MALAT1: variants seen among roughly 807,000 people sequenced by gnomAD.
The protein encoded by MALAT1 is metastasis associated lung adenocarcinoma transcript 1.
exon 3 of MALAT1, chr11:65,503,747 C>T: frequency 1.9e-6 from 1 of 517,328 alleles, no homozygotes; most frequent in Non-Finnish European, 3.9e-6. Context: ...TCTGCGAACA[C>T]TCTTTAATGG....
exon 4 of MALAT1, chr11:65,506,345 A>G (rs1468762536): frequency 2.2e-6 from 1 of 464,332 alleles, no homozygotes; most frequent in South Asian, 1.6e-5. Context: ...GTATATTCAT[A>G]TTTACACGAG....
chr11:65,501,685 C>T (rs758376960), exon 3 of MALAT1: 19 of 518,860 alleles, frequency 3.7e-5, no homozygotes, highest in Non-Finnish European at 6.5e-5. Context: ...CTGCTTTTAT[C>T]CTTGGAAGAG....
chr11:65,501,867 T>G (rs1854554223), exon 3 of MALAT1: 1 of 517,394 alleles, frequency 1.9e-6, no homozygotes, highest in Non-Finnish European at 3.9e-6. Flanking sequence ...TGGCAATTAG[T>G]TGGCAGTGGC....
chr11:65,500,304 A>C (rs1407657659), exon 3 of MALAT1: 1 of 518,888 alleles, frequency 1.9e-6, no homozygotes, highest in Non-Finnish European at 3.8e-6. Context: ...ATTCAAGATC[A>C]AGAGTAATTA....
chr11:65,498,043 T>A (rs778648392), intron 1 of MALAT1: 2 of 518,772 alleles, frequency 3.9e-6, no homozygotes. Context: ...AGCTTTTATT[T>A]TTCTTCCTGC....
chr11:65,499,150 C>G (rs11547521), exon 3 of MALAT1: 1 of 513,018 alleles, frequency 1.9e-6, no homozygotes, highest in South Asian at 1.4e-5. Context: ...ATTAATACAA[C>G]TACTTAAAAA....
At chr11:65,505,135 G>A (rs775138898) in intron 3 of MALAT1, 19 of 518,922 alleles carry the variant, frequency 3.7e-5, no homozygotes, top group Admixed American at 5.8e-5. Flanking sequence ...CTGTGTTGGC[G>A]TGGGGGTGGA....
exon 3 of MALAT1, chr11:65,503,842 T>TA (rs1854610803): frequency 3.9e-6 from 2 of 518,084 alleles, no homozygotes; most frequent in African/African-American, 3.9e-5. Context: ...GATGAGCATA[T>TA]AATAATTCCA....
At chr11:65,502,634 T>C (rs1017832520) in exon 3 of MALAT1, 1 of 479,074 alleles carries the variant, frequency 2.1e-6, no homozygotes, top group Admixed American at 2.6e-5. Flanking sequence ...TTTTTTTCTA[T>C]AGACTTTTTT....
At chr11:65,497,819 T>G (rs768757414) in exon 1 of MALAT1, 9 of 511,382 alleles carry the variant, frequency 1.8e-5, no homozygotes, top group Non-Finnish European at 3.5e-5. Flanking sequence ...CAGCGCCATT[T>G]TAGCAACGCA....
exon 3 of MALAT1, chr11:65,500,045 G>GAACTTC: frequency 2.3e-6 from 1 of 434,472 alleles, no homozygotes; most frequent in Admixed American, 2.8e-5. Context: ...TTAATTTCTG[G>GAACTTC]TGGTGCAGAA....
intron 1 of MALAT1, chr11:65,498,425 T>G (rs746628393): frequency 7.7e-6 from 4 of 518,364 alleles, no homozygotes; most frequent in Non-Finnish European, 1.2e-5. Context: ...AGCTCTGTGG[T>G]GTGGGATTGA....
chr11:65,504,365 C>T (rs1181881494), intron 3 of MALAT1: 2 of 517,414 alleles, frequency 3.9e-6, no homozygotes, highest in East Asian at 5.4e-5. Flanking sequence ...TCAGGTCTGT[C>T]TGTTCTGTTG....
chr11:65,501,159 A>AC, exon 3 of MALAT1: 1 of 501,276 alleles, frequency 2.0e-6, no homozygotes, highest in South Asian at 1.4e-5. Flanking sequence ...TTACTTCCTC[A>AC]CCCTGAATTC....
chr11:65,503,145 T>G, exon 3 of MALAT1: 1 of 509,462 alleles, frequency 2.0e-6, no homozygotes, highest in Non-Finnish European at 3.9e-6. Flanking sequence ...TCAGAAGAGT[T>G]GCTTCATTTC....
exon 3 of MALAT1, chr11:65,499,196 T>C: frequency 2.0e-6 from 1 of 504,496 alleles, no homozygotes; most frequent in South Asian, 1.5e-5. Context: ...TTGCTTAGCG[T>C]TAAGTTTTTA....
exon 3 of MALAT1, chr11:65,499,496 AAG>A (rs753082654): frequency 2.4e-5 from 11 of 465,308 alleles, no homozygotes; most frequent in South Asian, 4.8e-5. Flanking sequence ...ATCTTTTAAA[AAG>A]AGATTAAACC....
At chr11:65,502,187 G>A (rs762782736) in exon 3 of MALAT1, 3 of 518,468 alleles carry the variant, frequency 5.8e-6, no homozygotes, top group Non-Finnish European at 1.2e-5. Flanking sequence ...TATTGAACTG[G>A]GGGTTGGTCT....
exon 3 of MALAT1, chr11:65,500,523 G>C (rs762402685): frequency 5.8e-6 from 3 of 518,876 alleles, no homozygotes; most frequent in Admixed American, 1.9e-5. Flanking sequence ...GGTGAAGATA[G>C]GAAAAGAGTC....
Sources: allele counts gnomAD v4.1 joint callset, GRCh38; gene constraint gnomAD v4.1.1; transcripts MANE v1.5; gene names NCBI Gene and HGNC (gene_info 2026-07-23, HGNC 2026-07-21).